Variants in ATP2B2 observed in about 807,000 individuals in gnomAD.
ATP2B2 encodes the protein ATPase plasma membrane Ca2+ transporting 2.
In ATP2B2, 15 loss-of-function variants were observed where a neutral mutation model predicts 120.0. That is an observed-to-expected ratio of 0.12 (90% CI 0.08 to 0.19). The LOEUF is 0.19. Ranked by LOEUF, ATP2B2 falls within the 10% of genes least tolerant of loss-of-function variation. The pLI is 1.00. For missense variants in ATP2B2, 1,045 were observed against 1,719.8 expected (o/e 0.61, Z 6.94); for synonymous variants, 694 against 700.3 (o/e 0.99, Z 0.14).
At chr3:10,560,319 C>T (rs1397245283) in intron 2 of ATP2B2, among the ~76,000 whole-genome samples, 2 of 152,224 alleles carry the variant, frequency 1.3e-5, no homozygotes, top group Non-Finnish European at 2.9e-5. Context: ...AGGGCCTGTC[C>T]TCCCAGGACG....
chr3:10,435,614 T>C (rs949308471), intron 2 of ATP2B2, among the ~76,000 whole-genome samples: 4 of 152,178 alleles, frequency 2.6e-5, no homozygotes, highest in Non-Finnish European at 5.9e-5. Context: ...TATGTTCTTT[T>C]GGGGGACTTG....
At chr3:10,652,205 C>T (rs939900512) in intron 1 of ATP2B2, among the ~76,000 whole-genome samples, 2 of 152,130 alleles carry the variant, frequency 1.3e-5, no homozygotes, top group African/African-American at 4.8e-5. Flanking sequence ...GGGCTGATGA[C>T]CCCACCACGT....
At chr3:10,597,006 GGCACACAC>G (rs1253140307) in intron 2 of ATP2B2, among the ~76,000 whole-genome samples, 5 of 144,708 alleles carry the variant, frequency 3.5e-5, no homozygotes, top group South Asian at 2.3e-4. Flanking sequence ...CACGCACACA[GGCACACAC>G]GCACACAGGC....
intron 5 of ATP2B2, among the ~76,000 whole-genome samples, chr3:10,399,530 T>C (rs1258237061): frequency 6.6e-6 from 1 of 152,264 alleles, no homozygotes; most frequent in Non-Finnish European, 1.5e-5. Flanking sequence ...CATATTTGCT[T>C]GCTTATTACT....
intron 12 of ATP2B2, among the ~76,000 whole-genome samples, chr3:10,361,374 G>T (rs1447740502): frequency 1.3e-5 from 2 of 152,206 alleles, no homozygotes; most frequent in African/African-American, 4.8e-5. Context: ...TATGGCTCTA[G>T]TGTGTTCCTT....
intron 2 of ATP2B2, among the ~76,000 whole-genome samples, chr3:10,421,293 C>T (rs142966354): frequency 3.5e-4 from 53 of 152,314 alleles, no homozygotes; most frequent in African/African-American, 1.3e-3. Flanking sequence ...GTGACAGAGC[C>T]TGCACTCAGC....
intron 2 of ATP2B2, among the ~76,000 whole-genome samples, chr3:10,425,294 A>G (rs2063112639): frequency 6.6e-6 from 1 of 151,618 alleles, no homozygotes; most frequent in African/African-American, 2.4e-5. Flanking sequence ...TGGGTGACAG[A>G]GCGAGATGCT....
intron 2 of ATP2B2, among the ~76,000 whole-genome samples, chr3:10,419,192 G>A (rs1376862948): frequency 6.6e-6 from 1 of 152,206 alleles, no homozygotes; most frequent in Non-Finnish European, 1.5e-5. Flanking sequence ...GGATGTGTGT[G>A]CTGAGGTTGT....
At chr3:10,467,107 C>T (rs1172213763) in intron 1 of ATP2B2, among the ~76,000 whole-genome samples, 1 of 152,212 alleles carries the variant, frequency 6.6e-6, no homozygotes, top group Non-Finnish European at 1.5e-5. Context: ...TGTGATAAGT[C>T]TTTGACACTG....
chr3:10,571,129 G>A lies in ATP2B2; in HGVS notation c.-414-36996C>T, dbSNP rs187453258. Among the ~76,000 whole-genome samples, 233 of 152,360 alleles carry A rather than the reference G, an allele frequency of 1.5e-3. 2 individuals carry two copies. Among genetic ancestry groups the A allele is most frequent in the African/African-American group, 5.4e-3 (225 of 41,588 alleles). The stretch of plus-strand genomic sequence containing the variant: ...AAGGTGGAAGTTTGGGGAGGAAGAA[G>A]GTGTTCTGGAAGTTTCTTCATGCTG... On this transcript the variant is annotated intron_variant, in intron 2 of 21. Transcript: ENST00000646379.
intron 1 of ATP2B2, among the ~76,000 whole-genome samples, chr3:10,487,854 G>C (rs750001518): frequency 3.9e-5 from 6 of 152,156 alleles, no homozygotes; most frequent in African/African-American, 7.2e-5. Flanking sequence ...GGCTCCCACT[G>C]CCTCTGAGTA....
intron 2 of ATP2B2, among the ~76,000 whole-genome samples, chr3:10,421,389 C>G (rs919210641): frequency 6.6e-6 from 1 of 152,206 alleles, no homozygotes. Context: ...AACAGTCAGG[C>G]TCACAACCTC....
intron 1 of ATP2B2, among the ~76,000 whole-genome samples, chr3:10,697,759 T>A (rs890063609): frequency 1.3e-5 from 2 of 152,162 alleles, no homozygotes; most frequent in African/African-American, 4.8e-5. Flanking sequence ...ACCTAAACCA[T>A]CCCCTCAAAT....
intron 9 of ATP2B2, 25 bp downstream of exon 9, chr3:10,379,218 A>G (rs985086171): frequency 1.2e-6 from 2 of 1,612,760 alleles, no homozygotes; most frequent in African/African-American, 2.7e-5. Context: ...GGGACGACAA[A>G]CGCCGGTTAA....
rs1026689736 is a variant in ATP2B2, at chr3:10,340,777, G to A, written c.2918-73C>T. ...TCAGAGGGGAGATGCCTGGCCTTTC[G>A]TGGGGGCCTCTTCTGAGCAGTGACG... On this transcript the variant is annotated intron_variant, in intron 19 of 22. Transcript: ENST00000360273. The surrounding 1 kb of genome is among the most constrained non-coding windows in gnomAD (Gnocchi z 5.0). 24 of 1,466,808 alleles carry A rather than the reference G, an allele frequency of 1.6e-5. No individual in the cohort carries two copies. Among genetic ancestry groups the A allele is most frequent in the East Asian group, 9.1e-5 (4 of 43,864 alleles). The allele number at this position is 1,466,808 out of a possible 1,614,324, so 90.9% of individuals were successfully genotyped here.
intron 2 of ATP2B2, among the ~76,000 whole-genome samples, chr3:10,440,855 C>T (rs2063640246): frequency 6.6e-6 from 1 of 152,226 alleles, no homozygotes; most frequent in Non-Finnish European, 1.5e-5. Context: ...TGCTCTGAGC[C>T]TCAATTTCCT....
intron 1 of ATP2B2, among the ~76,000 whole-genome samples, chr3:10,622,004 A>C (rs1359792157): frequency 6.6e-6 from 1 of 152,178 alleles, no homozygotes; most frequent in African/African-American, 2.4e-5. Flanking sequence ...TTTGCTCCAC[A>C]CATTTGTCTG....
chr3:10,431,303 A>G (rs907799909), intron 2 of ATP2B2, among the ~76,000 whole-genome samples: 1 of 152,290 alleles, frequency 6.6e-6, no homozygotes, highest in African/African-American at 2.4e-5. Context: ...ATCGCATGCT[A>G]GAGTAACCTT....
intron 18 of ATP2B2, among the ~76,000 whole-genome samples, chr3:10,344,537 C>T (rs1375076136): frequency 6.6e-6 from 1 of 152,230 alleles, no homozygotes; most frequent in Non-Finnish European, 1.5e-5. Context: ...CTGGGGGCTC[C>T]TGTGGGCATG....
Sources: allele counts gnomAD v4.1 joint callset (sites outside exome capture counted in the v4.1 genomes callset), GRCh38; gene constraint gnomAD v4.1.1; non-coding constraint Gnocchi (gnomAD v3.1); transcripts MANE v1.5; gene names NCBI Gene and HGNC (gene_info 2026-07-23, HGNC 2026-07-21).